MOK: variants seen among roughly 807,000 people sequenced by gnomAD.
MOK encodes the protein MOK protein kinase, also known as MAPK/MAK/MRK overlapping kinase.
MOK carries 59 observed loss-of-function variants against 54.2 expected under a neutral mutation model. The observed-to-expected ratio is 1.09, with a 90% CI of 0.88 to 1.35. MOK has a LOEUF of 1.35. Ranked by LOEUF, MOK falls within the 40% of genes most tolerant of loss-of-function variation. MOK has a pLI of 0.00. For synonymous variants in MOK, 210 were observed against 202.7 expected, an observed-to-expected ratio of 1.04 and a Z score of -0.31; for missense variants, 517 against 526.2, an observed-to-expected ratio of 0.98 and a Z score of 0.17.
At chr14:102,216,704 T>G in the MOK span, among the ~76,000 whole-genome samples, 1 of 151,846 alleles carries the variant, frequency 6.6e-6, no homozygotes, top group Admixed American at 6.6e-5. Flanking sequence ...CCGAGGCGGG[T>G]GGATCACCTG....
At chr14:102,298,757 C>T (rs116435105) in intron 1 of MOK, among the ~76,000 whole-genome samples, 2,734 of 152,272 alleles carry the variant, frequency 0.018, 90 homozygotes, top group African/African-American at 0.063. Flanking sequence ...TTCTTTCACC[C>T]TTTAAAATAA....
At chr14:102,222,690 A>AGTG (rs2064051257), downstream of MOK, 4 of 797,352 alleles carry the variant, frequency 5.0e-6, no homozygotes, top group African/African-American at 3.4e-5. This position sits in a 1 kb window ranked among gnomAD's most constrained non-coding sequence, Gnocchi z 4.4. Flanking sequence ...AAATAGATGA[A>AGTG]GTGGAGGGTT....
At chr14:102,228,605 G>A (rs1424413859), downstream of MOK, among the ~76,000 whole-genome samples, 3 of 151,772 alleles carry the variant, frequency 2.0e-5, no homozygotes, top group South Asian at 2.1e-4. Flanking sequence ...AGGCTGAGGC[G>A]GGAGAATCCC....
intron 7 of MOK, among the ~76,000 whole-genome samples, chr14:102,237,513 C>A (rs961459765): frequency 5.3e-5 from 8 of 152,280 alleles, no homozygotes; most frequent in African/African-American, 1.9e-4. Context: ...TATGGATTCC[C>A]AACTTTGCCC....
downstream of MOK, chr14:102,222,843 C>T: frequency 6.2e-7 from 1 of 1,614,156 alleles, no homozygotes. The surrounding 1 kb of genome is among the most constrained non-coding windows in gnomAD (Gnocchi z 4.4). Context: ...TCATTGTCAT[C>T]CCCAAGCCAG....
chr14:102,219,821 G>A (rs146249603), downstream of MOK, among the ~76,000 whole-genome samples: 1 of 152,232 alleles, frequency 6.6e-6, no homozygotes, highest in Non-Finnish European at 1.5e-5. Context: ...CCCCAGTTCC[G>A]TTATGCCAGT....
Position 102,232,200 on chromosome 14 carries a change from A to G in MOK, c.866+335T>C, listed in dbSNP as rs1015434750. The G allele has an allele frequency of 8.8e-6, 3 of 342,688 alleles. No homozygotes were observed. Among genetic ancestry groups the G allele is most frequent in the Non-Finnish European group, 1.6e-5 (3 of 189,914 alleles). The allele number at this position is 342,688 out of a possible 1,614,324, so 21.2% of individuals were successfully genotyped here. On this transcript the variant is annotated intron_variant, in intron 9 of 11. Coordinates refer to ENST00000361847, the MANE Select transcript of MOK (RefSeq NM_014226.3). The surrounding 1 kb of genome is among the most constrained non-coding windows in gnomAD (Gnocchi z 5.1). Reference sequence around the variant, plus strand: ...CAGGTGACATCCACAGTGCTCTACCATCTCAGAATGCATCCTGTTCACACC... The same window carrying G: ...CAGGTGACATCCACAGTGCTCTACCGTCTCAGAATGCATCCTGTTCACACC...
rs147036686 is a variant in MOK at position 102,247,033 on chromosome 14, C to CT, written c.590+3778_590+3779insA. Among the ~76,000 whole-genome samples the CT allele has an allele frequency of 4.6e-3, 703 of 152,222 alleles. 6 individuals carry two copies. The highest frequency in any genetic ancestry group is 0.016 in the African/African-American group (652 of 41,530). ...CTCAGAGTACTGCAACGGCCGACAC[C>CT]CCCATTTATCCCTCTTCCCTTGGCT... On this transcript the variant is annotated intron_variant, in intron 7 of 11. Transcript: ENST00000361847.
chr14:102,278,637 G>A (rs2069109569), intron 2 of MOK: 1 of 454,396 alleles, frequency 2.2e-6, no homozygotes, highest in Non-Finnish European at 4.4e-6. Context: ...CGACGTGTAG[G>A]TTGGGTAGCA....
In MOK at chr14:102,238,371, A is replaced by C. The variant is rs1304863675; in HGVS notation, c.591-4582T>G. On this transcript the variant is annotated intron_variant, in intron 7 of 11. Coordinates refer to ENST00000361847, the MANE Select transcript of MOK (RefSeq NM_014226.3). The surrounding 1 kb of genome is among the most constrained non-coding windows in gnomAD (Gnocchi z 4.8). ...TTCATTCCCACGCCACCATCTGGCA[A>C]GAGAGGAGATTCCTTACTGCCAAAG... 6.6e-6 allele frequency: 1 copy of C among 152,284 alleles called. No homozygotes were observed. The highest frequency in any genetic ancestry group is 1.5e-5 in the Non-Finnish European group (1 of 68,072). 9.4% of individuals were successfully genotyped at this position (152,284 alleles called of 1,614,324 possible). A position where few individuals can be genotyped will look rare whatever the true frequency, so the allele number is the denominator to read the frequency against.
chr14:102,226,942 G>A (rs1271683491), downstream of MOK, among the ~76,000 whole-genome samples: 2 of 152,126 alleles, frequency 1.3e-5, no homozygotes, highest in Non-Finnish European at 2.9e-5. The surrounding 1 kb of genome is among the most constrained non-coding windows in gnomAD (Gnocchi z 4.8). Flanking sequence ...GCTTCAGAGC[G>A]TTTACGCCCG....
intron 4 of MOK, among the ~76,000 whole-genome samples, chr14:102,259,877 T>C (rs2067246233): frequency 6.6e-6 from 1 of 151,770 alleles, no homozygotes; most frequent in South Asian, 2.1e-4. Flanking sequence ...AACCTGTCTC[T>C]ACTAAAAATA....
Position 102,238,437 on chromosome 14 carries a change from C to G in MOK, c.591-4648G>C, listed in dbSNP as rs759339123. 2.0e-5 allele frequency: 3 copies of G among 152,234 alleles called. No individual in the cohort carries two copies. The highest frequency in any genetic ancestry group is 4.4e-5 in the Non-Finnish European group (3 of 68,062). 9.4% of individuals were successfully genotyped at this position (152,234 alleles called of 1,614,324 possible). ...CCACCCCCTTATTTACCAACTCCTT[C>G]AAGCCGCACATCTCCCAACTGAGGC... On this transcript the variant is annotated intron_variant, in intron 7 of 11. Coordinates refer to ENST00000361847, the MANE Select transcript of MOK (RefSeq NM_014226.3). The surrounding 1 kb of genome is among the most constrained non-coding windows in gnomAD (Gnocchi z 4.8).
rs1041412778 is a variant in MOK at position 102,303,153 on chromosome 14, C to T, written c.7+1809G>A. Among the ~76,000 whole-genome samples the T allele has an allele frequency of 6.6e-5, 10 of 150,932 alleles. No homozygotes were observed. The East Asian group carries it at 1.6e-3, about 24-fold the overall frequency. ...TCCAGCCAGGGTGACACAGAGAGAC[C>T]CTGTCCAAAAAAAAAAAGAGTCTAA... On this transcript the variant is annotated intron_variant, in intron 1 of 11. Transcript: ENST00000361847.
chr14:102,221,949 G>A (rs1264888837), downstream of MOK, among the ~76,000 whole-genome samples: 10 of 152,262 alleles, frequency 6.6e-5, 1 homozygote, highest in South Asian at 6.2e-4. The surrounding 1 kb of genome is among the most constrained non-coding windows in gnomAD (Gnocchi z 4.8). Flanking sequence ...ATAAATGAAC[G>A]CCACACTTTG....
Position 102,231,608 on chromosome 14 carries a change from C to T in MOK, c.981+99G>A. 2 of 999,412 alleles carry T rather than the reference C, an allele frequency of 2.0e-6. No individual in the cohort carries two copies. The highest frequency in any genetic ancestry group is 2.4e-5 in the East Asian group (1 of 41,384). 61.9% of individuals were successfully genotyped at this position (999,412 alleles called of 1,614,324 possible). On this transcript the variant is annotated intron_variant, in intron 10 of 11. Coordinates refer to ENST00000361847, the MANE Select transcript of MOK (RefSeq NM_014226.3). This position sits in a 1 kb window ranked among gnomAD's most constrained non-coding sequence, Gnocchi z 4.4. The stretch of plus-strand genomic sequence containing the variant: ...CGACTGACAATGTGGTCTGCCACAG[C>T]CTCCACAGGTGGCGTCCTCCTGAGA...
chr14:102,246,422 T>C (rs771322151), intron 7 of MOK, among the ~76,000 whole-genome samples: 1 of 152,092 alleles, frequency 6.6e-6, no homozygotes, highest in African/African-American at 2.4e-5. Flanking sequence ...TCATAATCAA[T>C]ACCCCAACCC....
intron 1 of MOK, among the ~76,000 whole-genome samples, chr14:102,301,028 G>C (rs2072133505): frequency 6.6e-6 from 1 of 152,222 alleles, no homozygotes; most frequent in Non-Finnish European, 1.5e-5. Context: ...CCAGGAGGCA[G>C]AGGTTGCAGT....
In MOK at chr14:102,232,248, G is replaced by A; in HGVS notation, c.866+287C>T. ...ACCATTTACAAGGGCCGCACACCAG[G>A]CTCTTCTAGAAGGATTACTACCTGT... On this transcript the variant is annotated intron_variant, in intron 9 of 11. Coordinates refer to ENST00000361847, the MANE Select transcript of MOK (RefSeq NM_014226.3). This position sits in a 1 kb window ranked among gnomAD's most constrained non-coding sequence, Gnocchi z 5.1. The A allele has an allele frequency of 2.6e-6, 1 of 391,590 alleles. No homozygotes were observed. Among genetic ancestry groups the A allele is most frequent in the South Asian group, 6.8e-5 (1 of 14,600 alleles). The allele number at this position is 391,590 out of a possible 1,614,324, so 24.3% of individuals were successfully genotyped here.
Sources: allele counts gnomAD v4.1 joint callset (sites outside exome capture counted in the v4.1 genomes callset), GRCh38; gene constraint gnomAD v4.1.1; non-coding constraint Gnocchi (gnomAD v3.1); transcripts MANE v1.5; gene names NCBI Gene and HGNC (gene_info 2026-07-23, HGNC 2026-07-21).